The following PKD1L1 variants were observed in gnomAD, a reference collection of about 807,000 sequenced individuals.
PKD1L1 encodes polycystin 1 like 1, transient receptor potential channel interacting.
In PKD1L1, 236 loss-of-function variants were observed where a neutral mutation model predicts 323.4. That is an observed-to-expected ratio of 0.73 (90% confidence interval 0.66 to 0.81). The LOEUF (loss-of-function observed/expected upper bound fraction) is 0.81. Ranked by LOEUF, PKD1L1 falls within the 40% of genes least tolerant of loss-of-function variation. PKD1L1 has a pLI of 0.00. For synonymous variants in PKD1L1, 1,344 were observed against 1,335.0 expected (o/e 1.01, Z -0.15); for missense variants, 3,320 against 3,508.0 (o/e 0.95, Z 1.35).
At chr7:47,894,334 C>G (rs917010459) in intron 14 of PKD1L1, among the ~76,000 whole-genome samples, 2 of 152,146 alleles carry the variant, frequency 1.3e-5, no homozygotes, top group Non-Finnish European at 2.9e-5. Context: ...TAGAGACTTT[C>G]CATGTGTGCA....
At position 47,839,520 on chromosome 7, in the gene PKD1L1, G is replaced by A. The variant is rs777485516; in HGVS notation, c.5695C>T (p.Leu1899=). ...QGWFFPAQCW[L]SAGRHDGRVE... ...CGACCATCATGCCTGCCGGCAGACA[G>A]CCAGCACTGGGCAGGGAAGAACCAG... Residue 1899 remains leucine, a synonymous_variant, in exon 36 of 57, where the codon CTG becomes TTG. Coordinates refer to ENST00000289672, the MANE Select transcript of PKD1L1 (RefSeq NM_138295.5). This position sits in a 1 kb window ranked among gnomAD's most constrained non-coding sequence, Gnocchi z 4.3. 5 of 1,611,992 alleles carry A rather than the reference G, an allele frequency of 3.1e-6. No homozygotes were observed. In the East Asian group the frequency reaches 1.1e-4, roughly 36 times the overall value.
chr7:47,824,790 G>C (rs916344123), intron 45 of PKD1L1, among the ~76,000 whole-genome samples: 2 of 152,186 alleles, frequency 1.3e-5, no homozygotes, highest in Non-Finnish European at 2.9e-5. Flanking sequence ...TGGAGGGGTA[G>C]TCTTCATGCT....
intron 56 of PKD1L1, among the ~76,000 whole-genome samples, chr7:47,786,217 T>C (rs1383412334): frequency 6.6e-6 from 1 of 152,196 alleles, no homozygotes; most frequent in Non-Finnish European, 1.5e-5. Context: ...CTCAGTAAAT[T>C]TCTTTGACAG....
chr7:47,947,682 T>C (rs1322122445), intron 1 of PKD1L1, among the ~76,000 whole-genome samples: 1 of 152,172 alleles, frequency 6.6e-6, no homozygotes, highest in East Asian at 1.9e-4. Flanking sequence ...ATAAGACCCA[T>C]GGAGGCTGGG....
chr7:47,885,656 G>A (rs773431972), intron 18 of PKD1L1, 30 bp downstream of exon 18: 14 of 1,587,840 alleles, frequency 8.8e-6, no homozygotes, highest in Non-Finnish European at 1.2e-5. Flanking sequence ...CTAGACAAGA[G>A]GGATGACATG....
At chr7:47,959,535 G>A in the PKD1L1 span, among the ~76,000 whole-genome samples, 19 of 139,100 alleles carry the variant, frequency 1.4e-4, no homozygotes, top group African/African-American at 1.6e-4. Flanking sequence ...GAGGTGAGGA[G>A]CGTCTCTGCC....
intron 7 of PKD1L1, among the ~76,000 whole-genome samples, chr7:47,920,106 AG>A (rs1320422563): frequency 6.6e-6 from 1 of 152,202 alleles, no homozygotes; most frequent in African/African-American, 2.4e-5. Flanking sequence ...TCGTATATCT[AG>A]AAAACCCTAA....
intron 21 of PKD1L1, among the ~76,000 whole-genome samples, chr7:47,880,368 A>G (rs111258923): frequency 0.31 from 37,486 of 120,890 alleles, 7,444 homozygotes; most frequent in African/African-American, 0.51. Context: ...TGCAAGCTCC[A>G]CCTCCTGGGT....
upstream of PKD1L1, among the ~76,000 whole-genome samples, chr7:47,950,404 AT>A (rs1583700458): frequency 6.6e-6 from 1 of 152,184 alleles, no homozygotes; most frequent in East Asian, 1.9e-4. Context: ...AAGTGACATA[AT>A]TGAGGGAAGA....
intron 44 of PKD1L1, among the ~76,000 whole-genome samples, chr7:47,828,224 G>A (rs1413902731): frequency 6.6e-6 from 1 of 152,160 alleles, no homozygotes; most frequent in Admixed American, 6.5e-5. Flanking sequence ...AGATGCTAAT[G>A]AGCCATGCAT....
rs371615298 is a variant in PKD1L1, at chr7:47,905,946, A to G, written c.1419T>C (p.His473=). 3.7e-6 allele frequency: 6 copies of G among 1,604,962 alleles called. No homozygotes were observed. In the Admixed American group the frequency reaches 8.8e-5, roughly 23 times the overall value. Residue 473 remains histidine, a synonymous_variant, in exon 10 of 57, where the codon CAT becomes CAC. Coordinates refer to ENST00000289672, the MANE Select transcript of PKD1L1 (RefSeq NM_138295.5). ...TATATGAAGGAATAGATGGAAAGTG[A>G]TGTATAACCACAGTGCCTAAAATGA... ...QVNQKSTVVI[H]HFPSIPSYNV...
rs751259936 is a variant in PKD1L1, at chr7:47,929,475, C to T, written c.789G>A (p.Ser263=). ...GIPRTPSFTA[S]QSGSEILYPP... is the part of the protein sequence containing the mutation. ...GATAGAGGATCTCAGAACCAGACTG[C>T]GATGCCGTGAAGCTGGGGGTGCGAG... Residue 263 remains serine, a synonymous_variant, in exon 7 of 57, where the codon TCG becomes TCA. Coordinates refer to ENST00000289672, the MANE Select transcript of PKD1L1 (RefSeq NM_138295.5). 1.2e-5 allele frequency: 20 copies of T among 1,613,942 alleles called. No individual in the cohort carries two copies. Among genetic ancestry groups the T allele is most frequent in the Middle Eastern group, 3.3e-4 (2 of 6,082 alleles).
At chr7:47,834,433 C>T (rs1785414035) in intron 39 of PKD1L1, 48 bp from the exon 40 acceptor site, 3 of 1,489,624 alleles carry the variant, frequency 2.0e-6, no homozygotes, top group African/African-American at 1.4e-5. Context: ...TGGGGTGATA[C>T]ATTTAAACAG....
At chr7:47,821,768 A>G (rs1174346991) in intron 45 of PKD1L1, among the ~76,000 whole-genome samples, 1 of 149,304 alleles carries the variant, frequency 6.7e-6, no homozygotes, top group Non-Finnish European at 1.5e-5. Flanking sequence ...GCTCATTGCA[A>G]CCTCCCCGTC....
intron 56 of PKD1L1, among the ~76,000 whole-genome samples, chr7:47,780,975 C>T (rs969306697): frequency 1.3e-5 from 2 of 152,184 alleles, no homozygotes; most frequent in Non-Finnish European, 2.9e-5. Context: ...TAAGAAACTG[C>T]CAAACTATTT....
intron 19 of PKD1L1, among the ~76,000 whole-genome samples, chr7:47,883,704 A>C (rs1407625383): frequency 1.3e-5 from 2 of 152,244 alleles, no homozygotes; most frequent in East Asian, 3.8e-4. Flanking sequence ...AGTTGGAAGC[A>C]GCTGAGGAGG....
At chr7:47,872,166 T>G (rs574409916) in intron 24 of PKD1L1, among the ~76,000 whole-genome samples, 2 of 152,186 alleles carry the variant, frequency 1.3e-5, no homozygotes, top group Non-Finnish European at 2.9e-5. Flanking sequence ...GTTTTGTTTT[T>G]CTACCCCCTG....
chr7:47,940,723 TAA>T (rs1338262295), intron 2 of PKD1L1, among the ~76,000 whole-genome samples: 1 of 152,092 alleles, frequency 6.6e-6, no homozygotes, highest in Admixed American at 6.5e-5. Context: ...GGAAGACCAT[TAA>T]AGACACTCCA....
At chr7:47,857,558 A>C in intron 28 of PKD1L1, 47 bp downstream of exon 28, 1 of 1,537,022 alleles carries the variant, frequency 6.5e-7, no homozygotes, top group South Asian at 1.2e-5. Context: ...AATTACTGCA[A>C]ATTTGAAATG....
Sources: gnomAD v4.1 joint callset for allele counts (sites outside exome capture counted in the v4.1 genomes callset) on GRCh38, gnomAD v4.1.1 for gene constraint, Gnocchi (gnomAD v3.1) non-coding constraint, MANE v1.5 for transcripts, NCBI Gene and HGNC (gene_info 2026-07-23, HGNC 2026-07-21) for gene names.